TBC1D22A: variants seen among roughly 807,000 people sequenced by gnomAD.
TBC1D22A encodes TBC1 domain family member 22A.
Under a neutral mutation model 60.2 loss-of-function variants are expected in TBC1D22A, and 38 were observed. That is an observed-to-expected ratio of 0.63 (90% CI 0.49 to 0.83). TBC1D22A has a LOEUF of 0.83. Ranked by LOEUF, TBC1D22A falls within the 40% of genes least tolerant of loss-of-function variation. The pLI, the probability that TBC1D22A is intolerant of heterozygous loss-of-function variation, is 0.00. For missense variants in TBC1D22A, 628 were observed against 701.0 expected (o/e 0.90, Z 1.18); for synonymous variants, 302 against 281.7 (o/e 1.07, Z -0.72).
chr22:46,935,882 C>T (rs985813134), intron 8 of TBC1D22A, among the ~76,000 whole-genome samples: 19 of 149,882 alleles, frequency 1.3e-4, no homozygotes, highest in South Asian at 4.2e-4. Context: ...TTTGCTGTCG[C>T]GCTGTCTCCT....
At chr22:46,800,027 C>A (rs908866534) in intron 4 of TBC1D22A, among the ~76,000 whole-genome samples, 1 of 152,302 alleles carries the variant, frequency 6.6e-6, no homozygotes, top group Admixed American at 6.5e-5. Context: ...CACGGCAAGG[C>A]AGTTGTGCAC....
At chr22:46,900,577 C>T (rs919428741) in intron 7 of TBC1D22A, among the ~76,000 whole-genome samples, 4 of 152,208 alleles carry the variant, frequency 2.6e-5, no homozygotes, top group Admixed American at 2.0e-4. Context: ...TTGACAACTG[C>T]TGATCTTCTT....
intron 8 of TBC1D22A, among the ~76,000 whole-genome samples, chr22:46,931,324 A>G (rs541130016): frequency 7.2e-5 from 11 of 152,186 alleles, no homozygotes; most frequent in Non-Finnish European, 1.5e-4. Flanking sequence ...TTCCACTCAA[A>G]TGCAGTTTCA....
At chr22:46,909,206 T>C (rs73478566) in intron 7 of TBC1D22A, among the ~76,000 whole-genome samples, 34,796 of 151,990 alleles carry the variant, frequency 0.23, 5,037 homozygotes, top group African/African-American at 0.41. Context: ...TGTGTGTGTG[T>C]GCGTGCATGT....
At chr22:46,782,998 A>G (rs1162103535) in intron 1 of TBC1D22A, among the ~76,000 whole-genome samples, 10 of 152,120 alleles carry the variant, frequency 6.6e-5, no homozygotes, top group Non-Finnish European at 1.5e-4. Flanking sequence ...GTCATGCGAT[A>G]ACTCCATGTA....
At chr22:46,838,757 C>T (rs2086627843) in intron 4 of TBC1D22A, among the ~76,000 whole-genome samples, 1 of 152,166 alleles carries the variant, frequency 6.6e-6, no homozygotes, top group Non-Finnish European at 1.5e-5. Flanking sequence ...TGGTTCTACA[C>T]ACACAAGTCA....
chr22:47,128,623 C>T (rs182465864), intron 12 of TBC1D22A, among the ~76,000 whole-genome samples: 1 of 152,148 alleles, frequency 6.6e-6, no homozygotes, highest in African/African-American at 2.4e-5. Context: ...TTCCATGACT[C>T]TGCTCACAGC....
chr22:46,828,436 A>G (rs1353046025), intron 4 of TBC1D22A, among the ~76,000 whole-genome samples: 1 of 152,240 alleles, frequency 6.6e-6, no homozygotes, highest in East Asian at 1.9e-4. Context: ...GATGTTTGTC[A>G]CTGTGAGATG....
intron 8 of TBC1D22A, among the ~76,000 whole-genome samples, chr22:46,943,260 C>T (rs1024855665): frequency 4.6e-5 from 7 of 152,204 alleles, no homozygotes; most frequent in Non-Finnish European, 7.3e-5. Flanking sequence ...CTCTCCCACT[C>T]AGAAGCCAGG....
At chr22:46,955,247 C>G (rs1189719486) in intron 8 of TBC1D22A, among the ~76,000 whole-genome samples, 1 of 152,132 alleles carries the variant, frequency 6.6e-6, no homozygotes, top group Non-Finnish European at 1.5e-5. Flanking sequence ...TTGATTTACC[C>G]AAAGCAGGGT....
At chr22:46,935,152 G>A (rs1019839630) in intron 8 of TBC1D22A, among the ~76,000 whole-genome samples, 1 of 152,124 alleles carries the variant, frequency 6.6e-6, no homozygotes, top group Non-Finnish European at 1.5e-5. Flanking sequence ...AGTAGGTTTC[G>A]AAAGTGGCCT....
chr22:47,151,315 G>T (rs929692078), intron 12 of TBC1D22A, among the ~76,000 whole-genome samples: 1 of 152,204 alleles, frequency 6.6e-6, no homozygotes, highest in Non-Finnish European at 1.5e-5. Context: ...GCGCACTCAC[G>T]CAGAACCGAC....
At chr22:47,042,430 GGA>G (rs10603078) in intron 11 of TBC1D22A, among the ~76,000 whole-genome samples, 97,111 of 151,406 alleles carry the variant, frequency 0.64, 32,136 homozygotes, top group East Asian at 0.92. Context: ...GGAAGAGAGA[GGA>G]GAGAGAGAGA....
intron 11 of TBC1D22A, among the ~76,000 whole-genome samples, chr22:47,105,397 G>T (rs1036882335): frequency 6.6e-6 from 1 of 152,102 alleles, no homozygotes; most frequent in African/African-American, 2.4e-5. Context: ...CAGAAATCTC[G>T]AGAAAATACA....
intron 11 of TBC1D22A, among the ~76,000 whole-genome samples, chr22:47,050,689 G>A (rs542959403): frequency 6.6e-6 from 1 of 152,284 alleles, no homozygotes; most frequent in East Asian, 1.9e-4. Context: ...AGGGATGGGT[G>A]GGGCCCGGAG....
intron 11 of TBC1D22A, among the ~76,000 whole-genome samples, chr22:47,109,762 G>T (rs1001638785): frequency 6.6e-6 from 1 of 151,950 alleles, no homozygotes; most frequent in Non-Finnish European, 1.5e-5. Context: ...TCCTACCCCA[G>T]ATCTGTCATA....
intron 1 of TBC1D22A, among the ~76,000 whole-genome samples, chr22:46,789,676 A>G (rs1443596765): frequency 6.6e-6 from 1 of 152,220 alleles, no homozygotes; most frequent in Non-Finnish European, 1.5e-5. Context: ...TGAGTGGGAA[A>G]CTGAAAAATG....
At chr22:46,853,573 C>T (rs1036265307) in intron 4 of TBC1D22A, among the ~76,000 whole-genome samples, 1 of 152,196 alleles carries the variant, frequency 6.6e-6, no homozygotes, top group African/African-American at 2.4e-5. Context: ...ACGTGAGATA[C>T]GGGTGTTCTT....
intron 11 of TBC1D22A, among the ~76,000 whole-genome samples, chr22:47,080,794 TGGA>T (rs1364271496): frequency 6.6e-6 from 1 of 151,844 alleles, no homozygotes. Context: ...GGGCAAGCAA[TGGA>T]GGAGATCAAC....
Sources: allele counts gnomAD v4.1 joint callset (sites outside exome capture counted in the v4.1 genomes callset), GRCh38; gene constraint gnomAD v4.1.1; transcripts MANE v1.5; gene names NCBI Gene and HGNC (gene_info 2026-07-23, HGNC 2026-07-21).